The following SRRM4 variants were observed in gnomAD, a reference collection of about 807,000 sequenced individuals.
SRRM4 encodes the protein serine/arginine repetitive matrix 4, also known as serine/arginine repetitive matrix protein 4.
A neutral mutation model predicts 68.9 loss-of-function variants in SRRM4; 33 were observed. The ratio of observed to expected loss-of-function variants is 0.48; its 90% CI spans 0.36 to 0.64. The LOEUF is 0.64. SRRM4 is among the 30% of genes least tolerant of loss of function. The pLI is 0.00. For synonymous variants in SRRM4, 318 were observed against 318.8 expected, an observed-to-expected ratio of 1.00 and a Z score of 0.03; for missense variants, 817 against 827.1, an observed-to-expected ratio of 0.99 and a Z score of 0.15.
chr12:119,160,289 G>GTCTCTCTCTCTCTCTCTCTC lies in SRRM4; in HGVS notation c.*3506_*3525dup, dbSNP rs55907957. On this transcript the variant is annotated 3_prime_UTR_variant, in exon 13 of 13. Transcript: ENST00000267260. ...TGTCTCTCTCTCTGTCTCTCTCTCT[G>GTCTCTCTCTCTCTCTCTCTC]TCTCTCTCTCTCTCTCTCTCTCTCT... is the stretch of plus-strand genomic sequence containing the variant. 2.1e-5 allele frequency: 3 copies of GTCTCTCTCTCTCTCTCTCTC among 143,158 alleles called. No homozygotes were observed. The highest frequency in any genetic ancestry group is 7.9e-5 in the African/African-American group (3 of 38,202). 8.9% of individuals were successfully genotyped at this position (143,158 alleles called of 1,614,324 possible). A position where few individuals can be genotyped will look rare whatever the true frequency, so the allele number is the denominator to read the frequency against.
chr12:119,155,140 T>C (rs1954464305), intron 12 of SRRM4, among the ~76,000 whole-genome samples: 1 of 152,210 alleles, frequency 6.6e-6, no homozygotes, highest in Non-Finnish European at 1.5e-5. Flanking sequence ...CAATGTGCCA[T>C]TGTTGATTGA....
intron 1 of SRRM4, among the ~76,000 whole-genome samples, chr12:119,069,044 C>T (rs1953862326): frequency 6.6e-6 from 1 of 152,082 alleles, no homozygotes; most frequent in Admixed American, 6.5e-5. Context: ...AGATCTAATT[C>T]AAGGTGGCTG....
intron 1 of SRRM4, among the ~76,000 whole-genome samples, chr12:119,090,586 C>A (rs554560941): frequency 1.3e-5 from 2 of 152,260 alleles, no homozygotes; most frequent in African/African-American, 4.8e-5. Flanking sequence ...CTGGAAGGGG[C>A]ATCCCTGAGG....
intron 1 of SRRM4, among the ~76,000 whole-genome samples, chr12:119,026,230 A>G (rs901101954): frequency 6.6e-6 from 1 of 151,998 alleles, no homozygotes; most frequent in Non-Finnish European, 1.5e-5. Context: ...AGGGTTCAAT[A>G]ATGAAATTAA....
chr12:119,110,209 G>T (rs557647086), intron 2 of SRRM4, among the ~76,000 whole-genome samples: 1 of 152,288 alleles, frequency 6.6e-6, no homozygotes, highest in East Asian at 1.9e-4. Context: ...AGGGGCACCT[G>T]GCCATATGAG....
chr12:119,117,709 C>T (rs1417766090), intron 4 of SRRM4, among the ~76,000 whole-genome samples: 1 of 152,054 alleles, frequency 6.6e-6, no homozygotes, highest in Non-Finnish European at 1.5e-5. Flanking sequence ...GTCAGGAGGT[C>T]GAGACCATCC....
At chr12:118,987,993 A>T (rs760460396) in intron 1 of SRRM4, among the ~76,000 whole-genome samples, 4 of 152,256 alleles carry the variant, frequency 2.6e-5, no homozygotes, top group Non-Finnish European at 4.4e-5. Context: ...TGTAATTAAC[A>T]TATCCATCAT....
At position 119,159,976 on chromosome 12, in the gene SRRM4, C is replaced by T. The variant is rs562008412; in HGVS notation, c.*3178C>T. On this transcript the variant is annotated 3_prime_UTR_variant, in exon 13 of 13. Transcript: ENST00000267260. ...AACCCATCCTGGAAGGGCCCAGGAT[C>T]CAAAGGTCATCAGTCCTGCTTATCT... 3 of 152,126 alleles carry T rather than the reference C, an allele frequency of 2.0e-5. No individual in the cohort carries two copies. In the South Asian group the frequency reaches 6.3e-4, roughly 32 times the overall value. 9.4% of individuals were successfully genotyped at this position (152,126 alleles called of 1,614,324 possible).
rs118023042 is a variant in SRRM4, at chr12:119,102,258, G to T, written c.154G>T (p.Val52Phe). The T allele has an allele frequency of 6.1e-4, 980 of 1,613,408 alleles. 17 individuals carry two copies. The East Asian group carries it at 0.021, about 34-fold the overall frequency. The change falls in exon 2 of 13, where the codon GTT (valine) becomes TTT (phenylalanine). Residue 52 changes from valine (V) to phenylalanine (F), a missense_variant. Transcript: ENST00000267260. ...TAGGACAGAGCCCCAGAATAACCCC[G>T]TTGTCCCAGCTCAGGATGGACCCTC... ...LPRTEPQNNPVVPAQDGPSEK... is the reference protein window; with the variant it reads ...LPRTEPQNNPFVPAQDGPSEK...
intron 1 of SRRM4, among the ~76,000 whole-genome samples, chr12:119,042,223 T>G (rs1183259727): frequency 1.3e-5 from 2 of 151,570 alleles, no homozygotes; most frequent in African/African-American, 2.4e-5. Context: ...GAATCCCAGG[T>G]TGGGGAAGCA....
intron 1 of SRRM4, among the ~76,000 whole-genome samples, chr12:119,011,378 C>A (rs2135997480): frequency 6.6e-6 from 1 of 152,288 alleles, no homozygotes; most frequent in East Asian, 1.9e-4. Context: ...TGTTTAGCAG[C>A]ATCTCTGGCC....
Position 119,154,285 on chromosome 12 carries a change from G to A in SRRM4, c.1434G>A (p.Arg478=). The A allele has an allele frequency of 6.2e-7, 1 of 1,610,888 alleles. No homozygotes were observed. Among genetic ancestry groups the A allele is most frequent in the Non-Finnish European group, 8.5e-7 (1 of 1,178,688 alleles). The change falls in exon 12 of 13, where the codon CGG becomes CGA. Residue 478 remains arginine, a synonymous_variant. Coordinates refer to ENST00000267260, the MANE Select transcript of SRRM4 (RefSeq NM_194286.4). The surrounding 1 kb of genome is among the most constrained non-coding windows in gnomAD (Gnocchi z 4.7). ...ACAGTGAGAAGGACTCGCAGCAGCGGGAGCGCGAGCGAGCGCGTCGGAGAC... is the reference window on the plus strand; with the variant it reads ...ACAGTGAGAAGGACTCGCAGCAGCGAGAGCGCGAGCGAGCGCGTCGGAGAC... ...PKYSEKDSQQ[R]ERERARRRRR...
Position 118,999,672 on chromosome 12 carries a change from T to C in SRRM4, c.131+17659T>C, listed in dbSNP as rs377133363. ...TTTACTGTAACTTATTAAAGCCTTATAATGCCCTGTAAGACAGGGAATATT... is the reference window on the plus strand; with the variant it reads ...TTTACTGTAACTTATTAAAGCCTTACAATGCCCTGTAAGACAGGGAATATT... On this transcript the variant is annotated intron_variant, in intron 1 of 12. Transcript: ENST00000267260. Among the ~76,000 whole-genome samples, 50 of 152,304 alleles carry C rather than the reference T, an allele frequency of 3.3e-4. No individual in the cohort carries two copies. In the East Asian group the frequency reaches 9.1e-3, roughly 28 times the overall value.
At chr12:119,071,027 G>C (rs1452525005) in intron 1 of SRRM4, among the ~76,000 whole-genome samples, 1 of 152,170 alleles carries the variant, frequency 6.6e-6, no homozygotes, top group East Asian at 1.9e-4. Context: ...GGGGGCTTAG[G>C]TGTGTCCTCC....
intron 1 of SRRM4, among the ~76,000 whole-genome samples, chr12:119,019,224 C>A (rs1003053989): frequency 3.9e-5 from 6 of 152,200 alleles, no homozygotes; most frequent in Non-Finnish European, 8.8e-5. Flanking sequence ...GGGCCAGCTA[C>A]TTAAATATTT....
At chr12:119,142,803 G>A (rs974080585) in intron 8 of SRRM4, among the ~76,000 whole-genome samples, 5 of 152,208 alleles carry the variant, frequency 3.3e-5, no homozygotes, top group Admixed American at 1.3e-4. Flanking sequence ...GCAGATCTCA[G>A]GGTCTAGTTG....
chr12:119,119,900 A>G (rs1954208153), intron 4 of SRRM4, among the ~76,000 whole-genome samples: 1 of 151,866 alleles, frequency 6.6e-6, no homozygotes, highest in African/African-American at 2.4e-5. Context: ...TTGGGGGAGG[A>G]TTGGAGCACC....
At chr12:119,150,879 A>G in intron 9 of SRRM4, 138 bp from the exon 10 acceptor site, 1 of 737,254 alleles carries the variant, frequency 1.4e-6, no homozygotes, top group South Asian at 1.7e-5. Context: ...AAGTCTTTCC[A>G]GAGAGAATAG....
At chr12:119,029,567 A>G (rs1953573276) in intron 1 of SRRM4, among the ~76,000 whole-genome samples, 1 of 152,212 alleles carries the variant, frequency 6.6e-6, no homozygotes, top group African/African-American at 2.4e-5. Context: ...TGGTGAGTCA[A>G]ACAGAAGTGA....
Sources: allele counts gnomAD v4.1 joint callset (sites outside exome capture counted in the v4.1 genomes callset), GRCh38; gene constraint gnomAD v4.1.1; non-coding constraint Gnocchi (gnomAD v3.1); transcripts MANE v1.5; gene names NCBI Gene and HGNC (gene_info 2026-07-23, HGNC 2026-07-21).